Variants in MED27 observed in about 807,000 individuals in gnomAD.
MED27 encodes the protein mediator of RNA polymerase II transcription subunit 27.
MED27 carries 30 observed loss-of-function variants against 38.2 expected under a neutral mutation model. The ratio of observed to expected loss-of-function variants is 0.79; its 90% CI spans 0.59 to 1.07. MED27 has a LOEUF of 1.07. Ranked by LOEUF, MED27 falls within the 50% of genes least tolerant of loss-of-function variation. The pLI, the probability that MED27 is intolerant of heterozygous loss-of-function variation, is 0.00. For missense variants in MED27, 289 were observed against 397.5 expected (o/e 0.73, Z 2.32); for synonymous variants, 122 against 153.5 (o/e 0.79, Z 1.52).
chr9:132,058,319 G>C (rs1217949982), intron 2 of MED27, among the ~76,000 whole-genome samples: 2 of 152,160 alleles, frequency 1.3e-5, no homozygotes, highest in African/African-American at 4.8e-5. Context: ...ATCTTGAATT[G>C]TAGTTCCCAT....
intron 4 of MED27, among the ~76,000 whole-genome samples, chr9:131,927,120 T>C (rs2131560002): frequency 6.6e-6 from 1 of 152,338 alleles, no homozygotes; most frequent in South Asian, 2.1e-4. Flanking sequence ...GCTAGATTTA[T>C]TTTTGGATAA....
chr9:131,947,687 A>AAAAC (rs1401654928), intron 3 of MED27, among the ~76,000 whole-genome samples: 2 of 152,120 alleles, frequency 1.3e-5, no homozygotes, highest in African/African-American at 2.4e-5. Context: ...AAAGAAAAAA[A>AAAAC]AAACACACAC....
chr9:131,971,892 C>A (rs1831486462), intron 3 of MED27, among the ~76,000 whole-genome samples: 1 of 152,200 alleles, frequency 6.6e-6, no homozygotes, highest in Admixed American at 6.5e-5. Context: ...CAGATTTAAA[C>A]CATTTCAGAA....
At position 131,862,265 on chromosome 9, in the gene MED27, C is replaced by T. The variant is rs1259413098; in HGVS notation, c.801+798G>A. On this transcript the variant is annotated intron_variant, in intron 7 of 7. Coordinates refer to ENST00000292035, the MANE Select transcript of MED27 (RefSeq NM_004269.4). The surrounding 1 kb of genome is among the most constrained non-coding windows in gnomAD (Gnocchi z 4.6). ...CAGGTCTTTGGAGTCGGTTCTCTAACCGGCAGACTTTCTAGCATGAAGAAA... is the reference window on the plus strand; with the variant it reads ...CAGGTCTTTGGAGTCGGTTCTCTAATCGGCAGACTTTCTAGCATGAAGAAA... 1.3e-5 allele frequency among the ~76,000 whole-genome samples: 2 copies of T among 152,166 alleles called. No homozygotes were observed. Among genetic ancestry groups the T allele is most frequent in the African/African-American group, 4.8e-5 (2 of 41,430 alleles).
intron 2 of MED27, among the ~76,000 whole-genome samples, chr9:132,041,755 T>C (rs1833218228): frequency 6.6e-6 from 1 of 152,162 alleles, no homozygotes; most frequent in Non-Finnish European, 1.5e-5. Context: ...ATCAGTACGG[T>C]ATGGCAAAGA....
At chr9:132,002,597 G>C (rs1393637022) in intron 3 of MED27, among the ~76,000 whole-genome samples, 1 of 152,004 alleles carries the variant, frequency 6.6e-6, no homozygotes, top group African/African-American at 2.4e-5. Flanking sequence ...CACAGAGACA[G>C]AAAGAAAAAA....
At chr9:132,048,232 G>C (rs1418058541) in intron 2 of MED27, among the ~76,000 whole-genome samples, 2 of 151,916 alleles carry the variant, frequency 1.3e-5, no homozygotes, top group Non-Finnish European at 2.9e-5. Flanking sequence ...AGGATACTAA[G>C]TCATGTTATA....
chr9:132,066,017 A>G (rs1280303876), intron 2 of MED27, among the ~76,000 whole-genome samples: 1 of 152,238 alleles, frequency 6.6e-6, no homozygotes, highest in African/African-American at 2.4e-5. Context: ...AGTCAAAGGA[A>G]GTACAGTCCC....
At chr9:132,032,211 A>C (rs1195810781) in intron 2 of MED27, 1 of 152,242 alleles carries the variant, frequency 6.6e-6, no homozygotes, top group East Asian at 1.9e-4. Context: ...CCACCTTGAA[A>C]GCTGAAAAAC....
intron 3 of MED27, among the ~76,000 whole-genome samples, chr9:131,955,644 G>A (rs572875975): frequency 1.3e-5 from 2 of 152,286 alleles, no homozygotes; most frequent in African/African-American, 4.8e-5. Context: ...TAGACGAAGT[G>A]GATGTCTTTG....
chr9:131,980,104 T>A (rs768322827), intron 3 of MED27, among the ~76,000 whole-genome samples: 41 of 151,978 alleles, frequency 2.7e-4, no homozygotes, highest in Non-Finnish European at 4.3e-4. Flanking sequence ...GTAATATATG[T>A]GTGTGTGTAT....
chr9:132,071,652 A>G (rs1457958586), intron 2 of MED27, among the ~76,000 whole-genome samples: 1 of 151,856 alleles, frequency 6.6e-6, no homozygotes, highest in Non-Finnish European at 1.5e-5. Context: ...GAACACACGC[A>G]TGAGTAACCC....
At chr9:131,863,161 C>T (rs376021799) in intron 6 of MED27, 21 bp from the exon 7 acceptor site, 68 of 1,610,386 alleles carry the variant, frequency 4.2e-5, no homozygotes, top group Middle Eastern at 1.6e-4. Context: ...AGGACAAAGA[C>T]GAGTTAGCGG....
chr9:132,007,865 C>T (rs1041457524), intron 3 of MED27, among the ~76,000 whole-genome samples: 8 of 151,798 alleles, frequency 5.3e-5, no homozygotes, highest in South Asian at 2.1e-4. Context: ...GAACAAAGCC[C>T]GGGAAACAAG....
chr9:131,996,264 C>T (rs955605534), intron 3 of MED27, among the ~76,000 whole-genome samples: 1 of 152,122 alleles, frequency 6.6e-6, no homozygotes, highest in African/African-American at 2.4e-5. Flanking sequence ...CTCCCTTGCT[C>T]GATTTTGACC....
At chr9:132,074,262 AT>A (rs1204973274) in intron 2 of MED27, among the ~76,000 whole-genome samples, 1 of 152,126 alleles carries the variant, frequency 6.6e-6, no homozygotes, top group Non-Finnish European at 1.5e-5. Context: ...ATTTTTAAAC[AT>A]GTTATTCTAA....
Position 131,861,767 on chromosome 9 carries a change from CTTTTTTTTT to C in MED27, c.802-1104_802-1096del, listed in dbSNP as rs66880335. 4.1e-5 allele frequency among the ~76,000 whole-genome samples: 6 copies of C among 145,232 alleles called. No homozygotes were observed. The highest frequency in any genetic ancestry group is 4.5e-4 in the South Asian group (2 of 4,492). ...AGTGCTGTGACAGATGTAAATGGTTCTTTTTTTTTTTTTTTTTTTTTATGAGACCACATC... is the reference window on the plus strand; with the variant it reads ...AGTGCTGTGACAGATGTAAATGGTTCTTTTTTTTTTTTATGAGACCACATC... On this transcript the variant is annotated intron_variant, in intron 7 of 7. Coordinates refer to ENST00000292035, the MANE Select transcript of MED27 (RefSeq NM_004269.4). This position sits in a 1 kb window ranked among gnomAD's most constrained non-coding sequence, Gnocchi z 4.4.
intron 4 of MED27, among the ~76,000 whole-genome samples, chr9:131,932,117 T>G (rs1391601178): frequency 3.3e-5 from 5 of 151,772 alleles, no homozygotes; most frequent in African/African-American, 1.2e-4. Context: ...AGACCATACG[T>G]TAGGTAACAA....
intron 2 of MED27, among the ~76,000 whole-genome samples, chr9:132,069,917 C>T (rs1833897616): frequency 6.6e-6 from 1 of 152,222 alleles, no homozygotes; most frequent in African/African-American, 2.4e-5. Context: ...CACCGCCAGG[C>T]ACAGCTTCAC....
Sources: gnomAD v4.1 joint callset for allele counts (sites outside exome capture counted in the v4.1 genomes callset) on GRCh38, gnomAD v4.1.1 for gene constraint, Gnocchi (gnomAD v3.1) non-coding constraint, MANE v1.5 for transcripts, NCBI Gene and HGNC (gene_info 2026-07-23, HGNC 2026-07-21) for gene names.